The following SGTB variants were observed in gnomAD, a reference collection of about 807,000 sequenced individuals.
SGTB encodes small glutamine-rich tetratricopeptide repeat-containing protein beta.
SGTB carries 19 observed loss-of-function variants against 43.9 expected under a neutral mutation model. That is an observed-to-expected ratio of 0.43 (90% CI 0.30 to 0.63). The LOEUF is 0.63. SGTB is among the 30% of genes least tolerant of loss of function. The probability of loss-of-function intolerance (pLI) is 0.12; values close to 1 mark genes in which losing one functional copy is unlikely to be tolerated. For synonymous variants in SGTB, 116 were observed against 117.3 expected (o/e 0.99, Z 0.07); for missense variants, 304 against 358.9 (o/e 0.85, Z 1.24).
At chr5:65,701,693 C>CA (rs1757826463) in intron 5 of SGTB, among the ~76,000 whole-genome samples, 1 of 144,470 alleles carries the variant, frequency 6.9e-6, no homozygotes, top group Non-Finnish European at 1.5e-5. Context: ...AGTGCAGTGG[C>CA]GCCATCTTGG....
intron 2 of SGTB, among the ~76,000 whole-genome samples, chr5:65,717,041 G>A (rs1420072180): frequency 6.6e-6 from 1 of 152,000 alleles, no homozygotes; most frequent in Non-Finnish European, 1.5e-5. Context: ...ATATACTGGG[G>A]GTGGTGGGGG....
chr5:65,679,605 G>T (rs1581247189), intron 8 of SGTB, among the ~76,000 whole-genome samples: 1 of 152,090 alleles, frequency 6.6e-6, no homozygotes, highest in East Asian at 1.9e-4. Context: ...TGACAAGAGT[G>T]AAACTCTGTC....
At chr5:65,672,431 TA>T (rs1168777361) in intron 8 of SGTB, 150 bp from the exon 9 acceptor site, 10 of 941,898 alleles carry the variant, frequency 1.1e-5, no homozygotes, top group African/African-American at 1.7e-5. Flanking sequence ...AAGGGGAATG[TA>T]AAAAGAGAGA....
At chr5:65,679,361 G>A (rs1757347211) in intron 8 of SGTB, among the ~76,000 whole-genome samples, 1 of 152,154 alleles carries the variant, frequency 6.6e-6, no homozygotes, top group South Asian at 2.1e-4. Flanking sequence ...GGTGGCTCAT[G>A]CCCGTAATCC....
Position 65,685,363 on chromosome 5 carries a change from C to A in SGTB, c.479+5G>T. The stretch of plus-strand genomic sequence containing the variant: ...TACTACTTGGAACATCCTCCCAGAA[C>A]TTACCCCATTCTCCCATAGGCCTTG... On this transcript the variant is annotated splice_donor_5th_base_variant and intron_variant, in intron 6 of 10. Coordinates refer to ENST00000381007, the MANE Select transcript of SGTB (RefSeq NM_019072.3). 6.2e-7 allele frequency: 1 copy of A among 1,613,724 alleles called. No homozygotes were observed. The highest frequency in any genetic ancestry group is 8.5e-7 in the Non-Finnish European group (1 of 1,179,646).
intron 2 of SGTB, among the ~76,000 whole-genome samples, chr5:65,718,088 A>G (rs1473583682): frequency 1.3e-5 from 2 of 152,168 alleles, no homozygotes; most frequent in Non-Finnish European, 2.9e-5. Flanking sequence ...AAGACAGGCA[A>G]TAGTGGTCAG....
intron 8 of SGTB, among the ~76,000 whole-genome samples, chr5:65,674,331 T>C (rs749142385): frequency 2.6e-5 from 4 of 152,152 alleles, no homozygotes; most frequent in South Asian, 4.1e-4. Flanking sequence ...TGGGATCCTG[T>C]CACACTTCCA....
intron 5 of SGTB, among the ~76,000 whole-genome samples, chr5:65,692,808 C>T (rs1224183198): frequency 6.6e-6 from 1 of 152,090 alleles, no homozygotes; most frequent in Non-Finnish European, 1.5e-5. Flanking sequence ...AAACATATCC[C>T]TATTCTTGGG....
intron 5 of SGTB, among the ~76,000 whole-genome samples, chr5:65,699,258 A>C (rs1215027113): frequency 6.6e-6 from 1 of 152,254 alleles, no homozygotes; most frequent in African/African-American, 2.4e-5. Context: ...GCTGGAGATC[A>C]TAACTCTAAG....
At chr5:65,679,252 C>T (rs1222320521) in intron 8 of SGTB, among the ~76,000 whole-genome samples, 1 of 152,204 alleles carries the variant, frequency 6.6e-6, no homozygotes, top group African/African-American at 2.4e-5. Flanking sequence ...AGCTCAACAT[C>T]ATTGATCATT....
chr5:65,708,536 T>C lies in SGTB; in HGVS notation c.227A>G (p.Asn76Ser), dbSNP rs1183955396. The stretch of plus-strand genomic sequence containing the variant: ...TTTTCCCACATCTTCAGGCACTGAG[T>C]TTGAAAGGGGCAGAACGTCATTCTG... ...FCKNDVLPLS[N>S]SVPEDVGKAD... The change falls in exon 4 of 11, where the codon AAC becomes AGC. Residue 76 changes from asparagine (N) to serine (S), a missense_variant. Physicochemically the swap from Asn to Ser is conservative, Grantham distance 46. Transcript: ENST00000381007. 1.9e-6 allele frequency: 3 copies of C among 1,613,326 alleles called. No homozygotes were observed. Among genetic ancestry groups the C allele is most frequent in the Admixed American group, 3.3e-5 (2 of 59,864 alleles).
chr5:65,680,201 C>T (rs1757367551), intron 8 of SGTB, among the ~76,000 whole-genome samples: 1 of 152,128 alleles, frequency 6.6e-6, no homozygotes, highest in Admixed American at 6.5e-5. Context: ...GAGGAAGGAT[C>T]ACGAAGAACA....
chr5:65,707,605 T>C (rs1275023419), intron 4 of SGTB, among the ~76,000 whole-genome samples: 2 of 152,008 alleles, frequency 1.3e-5, no homozygotes, highest in Non-Finnish European at 2.9e-5. Flanking sequence ...CAGCTAATTT[T>C]TGTATTTTTA....
At chr5:65,694,836 G>A (rs1422459089) in intron 5 of SGTB, among the ~76,000 whole-genome samples, 1 of 152,134 alleles carries the variant, frequency 6.6e-6, no homozygotes, top group Non-Finnish European at 1.5e-5. Flanking sequence ...AGCACAGAGA[G>A]ATGTCCCAAC....
At chr5:65,682,245 T>A (rs1352281024) in intron 6 of SGTB, among the ~76,000 whole-genome samples, 1 of 152,058 alleles carries the variant, frequency 6.6e-6, no homozygotes, top group African/African-American at 2.4e-5. Context: ...CAAGGGCTGA[T>A]GAGGAGGGAA....
chr5:65,687,838 G>A (rs1757529250), intron 5 of SGTB, among the ~76,000 whole-genome samples: 2 of 152,068 alleles, frequency 1.3e-5, no homozygotes, highest in Admixed American at 6.6e-5. Flanking sequence ...GCGCGATCTC[G>A]GCTCACTGCA....
chr5:65,673,474 A>G (rs1336101136), intron 8 of SGTB, among the ~76,000 whole-genome samples: 1 of 152,142 alleles, frequency 6.6e-6, no homozygotes, highest in Non-Finnish European at 1.5e-5. Context: ...AGATTCTCAT[A>G]GGAGCAAGAA....
At chr5:65,682,129 G>A (rs1757409570) in intron 6 of SGTB, among the ~76,000 whole-genome samples, 1 of 152,154 alleles carries the variant, frequency 6.6e-6, no homozygotes, top group Non-Finnish European at 1.5e-5. Flanking sequence ...TCTGAGTGAT[G>A]TAAAGAAAGC....
chr5:65,670,728 A>T (rs1421921263), intron 10 of SGTB, among the ~76,000 whole-genome samples: 1 of 152,216 alleles, frequency 6.6e-6, no homozygotes, highest in Non-Finnish European at 1.5e-5. Flanking sequence ...CCAGTTTGGG[A>T]TGCTTTTGGA....
Sources: gnomAD v4.1 joint callset for allele counts (sites outside exome capture counted in the v4.1 genomes callset) on GRCh38, gnomAD v4.1.1 for gene constraint, MANE v1.5 for transcripts, NCBI Gene and HGNC (gene_info 2026-07-23, HGNC 2026-07-21) for gene names.